Variants in FMO1 observed in about 807,000 individuals in gnomAD.
FMO1 encodes flavin-containing monooxygenase 1.
FMO1 carries 36 observed loss-of-function variants against 45.4 expected under a neutral mutation model. The observed-to-expected ratio is 0.79, with a 90% CI of 0.61 to 1.05. FMO1 has a LOEUF of 1.05. Ranked by LOEUF, FMO1 falls within the 50% of genes least tolerant of loss-of-function variation. The probability of loss-of-function intolerance (pLI) is 0.00; values close to 1 mark genes in which losing one functional copy is unlikely to be tolerated. For synonymous variants in FMO1, 228 were observed against 227.2 expected, an observed-to-expected ratio of 1.00 and a Z score of -0.03; for missense variants, 615 against 640.3, an observed-to-expected ratio of 0.96 and a Z score of 0.43.
chr1:171,278,945 A>G, intron 5 of FMO1, 74 bp downstream of exon 5: 2 of 1,181,872 alleles, frequency 1.7e-6, no homozygotes, highest in Non-Finnish European at 2.3e-6. Flanking sequence ...GTTTGACACC[A>G]TGATAAATGT....
intron 7 of FMO1, 70 bp downstream of exon 7, chr1:171,282,403 G>C: frequency 1.0e-6 from 1 of 963,362 alleles, no homozygotes; most frequent in Non-Finnish European, 1.6e-6. Flanking sequence ...GAAATGTTGA[G>C]ACTATTATTC....
At chr1:171,254,383 C>A (rs1465683241) in intron 1 of FMO1, among the ~76,000 whole-genome samples, 2 of 152,100 alleles carry the variant, frequency 1.3e-5, no homozygotes, top group Non-Finnish European at 2.9e-5. Flanking sequence ...AACCACCACC[C>A]CGGCCCGAGT....
At chr1:171,283,850 T>G (rs895985509) in intron 8 of FMO1, among the ~76,000 whole-genome samples, 1 of 152,204 alleles carries the variant, frequency 6.6e-6, no homozygotes, top group African/African-American at 2.4e-5. Context: ...AGTACCAAAG[T>G]TGTTTAGCAG....
chr1:171,264,413 T>G (rs1660520384), intron 2 of FMO1, among the ~76,000 whole-genome samples: 1 of 150,712 alleles, frequency 6.6e-6, no homozygotes, highest in Non-Finnish European at 1.5e-5. Flanking sequence ...TTGGGTATAT[T>G]GAGTTAAATA....
At chr1:171,250,211 C>A (rs1659823165) in intron 1 of FMO1, among the ~76,000 whole-genome samples, 1 of 152,160 alleles carries the variant, frequency 6.6e-6, no homozygotes, top group African/African-American at 2.4e-5. Flanking sequence ...CTTCTCAAAC[C>A]TTGGAATCAG....
At chr1:171,255,171 T>G (rs1660097084) in intron 1 of FMO1, among the ~76,000 whole-genome samples, 1 of 152,192 alleles carries the variant, frequency 6.6e-6, no homozygotes, top group Non-Finnish European at 1.5e-5. Context: ...TACCTCCAAA[T>G]ATTTGTCATC....
chr1:171,257,892 A>G (rs1558004812), intron 1 of FMO1, 190 bp from the exon 2 acceptor site: 2 of 598,876 alleles, frequency 3.3e-6, no homozygotes, highest in Non-Finnish European at 2.9e-6. Context: ...GGGCGGGAAC[A>G]TACCAAGCAC....
Position 171,258,204 on chromosome 1 carries a change from G to A in FMO1, c.117G>A (p.Gly39=), listed in dbSNP as rs764592984. The change falls in exon 2 of 9, where the codon GGG becomes GGA. Residue 39 remains glycine (G), a synonymous_variant. Coordinates refer to ENST00000617670, the MANE Select transcript of FMO1 (RefSeq NM_001282693.2). ...TCFERSDDLG[G]LWRFTEHVEE... is the part of the protein sequence containing the mutation. ...TTGAGAGGAGCGATGACCTTGGGGG[G>A]CTGTGGAGATTCACCGTAAGTGGGG... 8 of 1,614,098 alleles carry A rather than the reference G, an allele frequency of 5.0e-6. No homozygotes were observed. The highest frequency in any genetic ancestry group is 2.2e-5 in the South Asian group (2 of 91,076).
chr1:171,282,690 T>TTAC (rs1405925828), intron 7 of FMO1: 1 of 225,584 alleles, frequency 4.4e-6, no homozygotes, highest in African/African-American at 2.3e-5. Context: ...TGATCATAGA[T>TTAC]TACTGCAGCC....
Position 171,285,456 on chromosome 1 carries a change from TACAAGA to T in FMO1, c.1512_1517del (p.Gln505_Glu506del), listed in dbSNP as rs1391512868. 6.4e-6 allele frequency: 10 copies of T among 1,573,292 alleles called. No individual in the cohort carries two copies. The highest frequency in any genetic ancestry group is 8.6e-6 in the Non-Finnish European group (10 of 1,160,876). ...TTCAAGGTCATCAAAGCTCGAGTTG[TACAAGA>T]GTCTCCATCTCCCTTTGAAAGTTTT... is the stretch of plus-strand genomic sequence containing the variant. On this transcript the variant is annotated inframe_deletion, in exon 9 of 9. Transcript: ENST00000617670.
chr1:171,285,672 T>TC lies in FMO1; in HGVS notation c.*128_*129insC. 1 of 492,572 alleles carries TC rather than the reference T, an allele frequency of 2.0e-6. No homozygotes were observed. Among genetic ancestry groups the TC allele is most frequent in the Non-Finnish European group, 3.3e-6 (1 of 300,184 alleles). The allele number at this position is 492,572 out of a possible 1,614,324, so 30.5% of individuals were successfully genotyped here. On this transcript the variant is annotated 3_prime_UTR_variant, in exon 9 of 9. Transcript: ENST00000617670. Reference sequence around the variant, plus strand: ...AGTAAAGGCCACCCTCTCGCTTCCCTGGCTGGCCCCAGGGCTACCACTGGT... The same window carrying TC: ...AGTAAAGGCCACCCTCTCGCTTCCCTCGGCTGGCCCCAGGGCTACCACTGGT...
rs148980563 is a variant in FMO1, at chr1:171,280,861, T to C, written c.703T>C (p.Phe235Leu). The change falls in exon 6 of 9, where the codon TTC becomes CTC. Residue 235 changes from phenylalanine to leucine, a missense_variant. Phe to Leu is a conservative substitution (Grantham distance 22, BLOSUM62 0). Coordinates refer to ENST00000617670, the MANE Select transcript of FMO1 (RefSeq NM_001282693.2). ...CTCGGGCTACCCATGGGACATGGTG[T>C]TCATGACACGCTTTCAGAACATGTT... ...FDSGYPWDMVFMTRFQNMLRN... is the reference protein window; with the variant it reads ...FDSGYPWDMVLMTRFQNMLRN... The C allele has an allele frequency of 1.4e-4, 225 of 1,613,962 alleles. No individual in the cohort carries two copies. In the African/African-American group the frequency reaches 2.4e-3, roughly 17 times the overall value.
rs561766893 is a variant in FMO1 at position 171,257,313 on chromosome 1, G to A, written c.-6-769G>A. Among the ~76,000 whole-genome samples the A allele has an allele frequency of 8.5e-5, 13 of 152,232 alleles. 1 individual carries two copies. Among genetic ancestry groups the A allele is most frequent in the African/African-American group, 3.1e-4 (13 of 41,528 alleles). ...TACACATGTGTGTTATTAACACATG[G>A]CCTGGTGCCAGAAGATTCTCTGGCC... is the stretch of plus-strand genomic sequence containing the variant. On this transcript the variant is annotated intron_variant, in intron 1 of 8. Transcript: ENST00000617670.
intron 2 of FMO1, among the ~76,000 whole-genome samples, chr1:171,267,144 G>T (rs947540776): frequency 9.9e-5 from 15 of 152,282 alleles, no homozygotes; most frequent in African/African-American, 3.6e-4. Flanking sequence ...TAGGCTCCTG[G>T]CTAGCGCCCC....
At chr1:171,248,724 A>C (rs1299186699) in intron 1 of FMO1, 101 bp downstream of exon 1, 1 of 152,108 alleles carries the variant, frequency 6.6e-6, no homozygotes, top group Non-Finnish European at 1.5e-5. Context: ...CCACCTTATC[A>C]GAAAGCAGCT....
Position 171,267,650 on chromosome 1 carries a change from C to T in FMO1, c.240C>T (p.Asn80=). 6.2e-7 allele frequency: 1 copy of T among 1,614,046 alleles called. No individual in the cohort carries two copies. The part of the protein sequence containing the change: ...SDFPFPEDYP[N]YVPNSQFLEY... Reference sequence around the variant, plus strand: ...TTCCATTCCCAGAAGATTATCCAAACTATGTGCCAAATTCTCAATTCCTGG... The same window carrying T: ...TTCCATTCCCAGAAGATTATCCAAATTATGTGCCAAATTCTCAATTCCTGG... The change falls in exon 3 of 9, where the codon AAC becomes AAT. Residue 80 remains asparagine (N), a synonymous_variant. Coordinates refer to ENST00000617670, the MANE Select transcript of FMO1 (RefSeq NM_001282693.2).
At position 171,285,394 on chromosome 1, in the gene FMO1, A is replaced by G; in HGVS notation, c.1449A>G (p.Gly483=). 2.5e-6 allele frequency: 4 copies of G among 1,613,758 alleles called. No homozygotes were observed. Among genetic ancestry groups the G allele is most frequent in the South Asian group, 1.1e-5 (1 of 90,998 alleles). The change falls in exon 9 of 9, where the codon GGA becomes GGG. Residue 483 remains glycine, a synonymous_variant. Transcript: ENST00000617670. ...FRLTGPGKWE[G]ARNAIMTQWD... is the part of the protein sequence containing the mutation. ...TGACTGGCCCAGGAAAATGGGAAGG[A>G]GCCAGAAATGCCATCATGACCCAGT...
Position 171,252,581 on chromosome 1 carries a change from G to C in FMO1, c.-7+3958G>C, listed in dbSNP as rs28384824. ...TCCATCCATTCCATGGCTGAGAGTC[G>C]GTGATGCTGCCTCTGCCTTCTGATG... is the stretch of plus-strand genomic sequence containing the variant. On this transcript the variant is annotated intron_variant, in intron 1 of 8. Coordinates refer to ENST00000617670, the MANE Select transcript of FMO1 (RefSeq NM_001282693.2). 5.3e-3 allele frequency among the ~76,000 whole-genome samples: 811 copies of C among 152,284 alleles called. 13 individuals are homozygous for C. The highest frequency in any genetic ancestry group is 0.014 in the African/African-American group (584 of 41,554).
At chr1:171,268,606 G>T (rs1404005959) in intron 3 of FMO1, among the ~76,000 whole-genome samples, 2 of 151,544 alleles carry the variant, frequency 1.3e-5, no homozygotes, top group African/African-American at 4.9e-5. Flanking sequence ...TATCCTTTTT[G>T]TCCTTTTTTT....
Sources: gnomAD v4.1 joint callset for allele counts (sites outside exome capture counted in the v4.1 genomes callset) on GRCh38, gnomAD v4.1.1 for gene constraint, MANE v1.5 for transcripts, NCBI Gene and HGNC (gene_info 2026-07-23, HGNC 2026-07-21) for gene names.